Variants in PTPRT observed in about 807,000 individuals in gnomAD.
PTPRT encodes the protein protein tyrosine phosphatase receptor type T.
Under a neutral mutation model 176.8 loss-of-function variants are expected in PTPRT, and 56 were observed. The ratio of observed to expected loss-of-function variants is 0.32; its 90% CI spans 0.26 to 0.40. The LOEUF (loss-of-function observed/expected upper bound fraction) is 0.40. PTPRT is among the 10% of genes least tolerant of loss of function. The pLI is 1.00. For missense variants in PTPRT, 1,540 were observed against 1,908.2 expected, an observed-to-expected ratio of 0.81 and a Z score of 3.60; for synonymous variants, 783 against 739.0, an observed-to-expected ratio of 1.06 and a Z score of -0.96.
At chr20:42,808,475 G>A (rs746360523) in intron 2 of PTPRT, among the ~76,000 whole-genome samples, 6 of 152,134 alleles carry the variant, frequency 3.9e-5, no homozygotes, top group Non-Finnish European at 8.8e-5. Flanking sequence ...CAGCACAGAG[G>A]CATTTGGTGT....
intron 7 of PTPRT, among the ~76,000 whole-genome samples, chr20:42,636,375 A>G (rs570262058): frequency 1.3e-5 from 2 of 152,276 alleles, no homozygotes; most frequent in East Asian, 3.9e-4. Context: ...CATTTTACAA[A>G]ATAAAATTAC....
At chr20:42,569,186 C>T (rs977951187) in intron 7 of PTPRT, among the ~76,000 whole-genome samples, 4 of 143,244 alleles carry the variant, frequency 2.8e-5, no homozygotes, top group African/African-American at 1.0e-4. Flanking sequence ...CCTTACAACC[C>T]TAGGAGGAGA....
chr20:43,061,295 C>T (rs1441248812), intron 1 of PTPRT, among the ~76,000 whole-genome samples: 4 of 152,206 alleles, frequency 2.6e-5, no homozygotes, highest in Non-Finnish European at 5.9e-5. Flanking sequence ...AAAGTGCTTC[C>T]TTCTATGTGC....
rs1345298833 is a variant in PTPRT, at chr20:42,229,002, G to A, written c.2342+7227C>T. On this transcript the variant is annotated intron_variant, in intron 15 of 30. Transcript: ENST00000373187. ...ATGGAAATTGGAGGGGGCCTCCAAA[G>A]TAGAGAACAATGACACTCCCTTTAT... is the stretch of plus-strand genomic sequence containing the variant. Among the ~76,000 whole-genome samples the A allele has an allele frequency of 3.9e-5, 6 of 152,236 alleles. No homozygotes were observed. In the East Asian group the frequency reaches 5.8e-4, roughly 15 times the overall value.
At chr20:42,228,577 G>C (rs1472870605) in intron 15 of PTPRT, among the ~76,000 whole-genome samples, 1 of 152,154 alleles carries the variant, frequency 6.6e-6, no homozygotes, top group Admixed American at 6.5e-5. Context: ...ACCCATATAA[G>C]ACTACAAAAT....
chr20:43,090,503 C>T (rs994089357), intron 1 of PTPRT, among the ~76,000 whole-genome samples: 2 of 152,012 alleles, frequency 1.3e-5, no homozygotes, highest in East Asian at 1.9e-4. Context: ...ATTCTGACCT[C>T]GTGATCCACC....
chr20:42,878,551 A>T lies in PTPRT; in HGVS notation c.214+7256T>A, dbSNP rs192820315. On this transcript the variant is annotated intron_variant, in intron 2 of 30. Transcript: ENST00000373187. ...GGACATCAAGCCTGACTCCTCAGCC[A>T]CATAAAACTCACATGACCTTGGACC... 4.1e-3 allele frequency among the ~76,000 whole-genome samples: 626 copies of T among 152,342 alleles called. 2 individuals are homozygous for T. The highest frequency in any genetic ancestry group is 7.3e-3 in the Non-Finnish European group (498 of 68,022).
intron 27 of PTPRT, among the ~76,000 whole-genome samples, chr20:42,089,111 AGT>A (rs112894271): frequency 0.041 from 6,084 of 147,754 alleles, 248 homozygotes; most frequent in African/African-American, 0.11. Context: ...AGTGTGTGTG[AGT>A]GTGTGTGTGT....
intron 6 of PTPRT, among the ~76,000 whole-genome samples, chr20:42,692,857 C>T (rs941566838): frequency 6.6e-6 from 1 of 151,942 alleles, no homozygotes; most frequent in South Asian, 2.1e-4. Flanking sequence ...TGCCATTTAC[C>T]CAATCAATGG....
intron 7 of PTPRT, among the ~76,000 whole-genome samples, chr20:42,573,952 C>G (rs1601298310): frequency 6.6e-6 from 1 of 151,914 alleles, no homozygotes; most frequent in Non-Finnish European, 1.5e-5. Flanking sequence ...GTTTCACCAT[C>G]TTGGCCAGGC....
intron 17 of PTPRT, among the ~76,000 whole-genome samples, chr20:42,151,617 T>A (rs574554089): frequency 6.6e-6 from 1 of 152,362 alleles, no homozygotes; most frequent in African/African-American, 2.4e-5. Context: ...TATGTGTGCA[T>A]ATGTCTTTAT....
At chr20:42,646,955 C>T (rs1436590757) in intron 7 of PTPRT, among the ~76,000 whole-genome samples, 3 of 123,574 alleles carry the variant, frequency 2.4e-5, no homozygotes, top group South Asian at 5.7e-4. Context: ...AGTGCAGTGG[C>T]GTGAACGTGG....
At chr20:42,037,926 G>T in the PTPRT span, among the ~76,000 whole-genome samples, 3 of 152,150 alleles carry the variant, frequency 2.0e-5, no homozygotes. Context: ...TGCTTTCCAG[G>T]AGGGGACAGT....
chr20:42,117,556 A>T (rs186350003), intron 21 of PTPRT, among the ~76,000 whole-genome samples: 1 of 152,270 alleles, frequency 6.6e-6, no homozygotes, highest in East Asian at 1.9e-4. Context: ...CAAGATTTAG[A>T]GGTCAGGGGA....
rs117598058 is a variant in PTPRT, at chr20:42,260,650, G to C, written c.2177-11828C>G. ...AGGCTTCTCAGGAGCAGCCAGTATA[G>C]AGCCAAGTACAAAAGCCAATCAGGG... On this transcript the variant is annotated intron_variant, in intron 13 of 30. Transcript: ENST00000373187. Among the ~76,000 whole-genome samples, 47 of 152,248 alleles carry C rather than the reference G, an allele frequency of 3.1e-4. 1 individual carries two copies. The East Asian group carries it at 8.9e-3, about 29-fold the overall frequency.
chr20:42,914,300 T>C (rs1191301807), intron 1 of PTPRT, among the ~76,000 whole-genome samples: 1 of 152,210 alleles, frequency 6.6e-6, no homozygotes, highest in Non-Finnish European at 1.5e-5. Context: ...ATTTTGGTCA[T>C]GTTGGTTCAT....
chr20:43,127,869 A>G (rs751193635), intron 1 of PTPRT, among the ~76,000 whole-genome samples: 7 of 152,220 alleles, frequency 4.6e-5, no homozygotes, highest in Admixed American at 1.3e-4. Context: ...TGCTAGACTT[A>G]GGCTAACCTC....
At chr20:42,280,853 G>T (rs182787954) in intron 13 of PTPRT, among the ~76,000 whole-genome samples, 1 of 152,132 alleles carries the variant, frequency 6.6e-6, no homozygotes, top group East Asian at 1.9e-4. Context: ...TGCTTGTCAG[G>T]TCTCATGTTT....
rs148358367 is a variant in PTPRT at position 42,109,075 on chromosome 20, A to G, written c.3254+1258T>C. Among the ~76,000 whole-genome samples, 509 of 152,292 alleles carry G rather than the reference A, an allele frequency of 3.3e-3. 2 individuals are homozygous for G. The highest frequency in any genetic ancestry group is 0.012 in the African/African-American group (482 of 41,544). On this transcript the variant is annotated intron_variant, in intron 23 of 30. Coordinates refer to ENST00000373187, the MANE Select transcript of PTPRT (RefSeq NM_007050.6). ...CAGAAAATACATGCAAAACATTTAG[A>G]GAGTCCAGGATTACCTCCTCATCCT...
Sources: gnomAD v4.1 joint callset for allele counts (sites outside exome capture counted in the v4.1 genomes callset) on GRCh38, gnomAD v4.1.1 for gene constraint, MANE v1.5 for transcripts, NCBI Gene and HGNC (gene_info 2026-07-23, HGNC 2026-07-21) for gene names.